The following TRANK1 variants were observed in gnomAD, a reference collection of about 807,000 sequenced individuals.
TRANK1 encodes the protein tetratricopeptide repeat and ankyrin repeat containing 1.
In TRANK1, 198 loss-of-function variants were observed where a neutral mutation model predicts 266.0. The ratio of observed to expected loss-of-function variants is 0.74; its 90% CI spans 0.66 to 0.84. The LOEUF (loss-of-function observed/expected upper bound fraction) is 0.84, where lower values mean the gene tolerates loss of function less well. Among genes scored for constraint, TRANK1 ranks in the 40% least tolerant of loss-of-function variants. The probability of loss-of-function intolerance (pLI) is 0.00; values close to 1 mark genes in which losing one functional copy is unlikely to be tolerated. For missense variants in TRANK1, 3,326 were observed against 3,634.6 expected, an observed-to-expected ratio of 0.92 and a Z score of 2.18; for synonymous variants, 1,396 against 1,384.1, an observed-to-expected ratio of 1.01 and a Z score of -0.19.
chr3:36,916,668 A>T (rs547221099), intron 1 of TRANK1, among the ~76,000 whole-genome samples: 1 of 152,232 alleles, frequency 6.6e-6, no homozygotes, highest in Non-Finnish European at 1.5e-5. Context: ...AGCAGCCAAT[A>T]AGAGTTCCTG....
intron 8 of TRANK1, among the ~76,000 whole-genome samples, chr3:36,879,472 CTTGA>C (rs1404804167): frequency 1.3e-5 from 2 of 149,180 alleles, no homozygotes; most frequent in African/African-American, 4.9e-5. Flanking sequence ...ACATATCAAA[CTTGA>C]TTTTCATTAG....
chr3:36,874,394 A>C, intron 8 of TRANK1, 98 bp from the exon 9 acceptor site: 1 of 1,338,030 alleles, frequency 7.5e-7, no homozygotes, highest in Non-Finnish European at 1.0e-6. Context: ...CAAGCAGCCC[A>C]GGGCAAGAGG....
At chr3:36,883,821 C>A (rs539447037) in intron 8 of TRANK1, among the ~76,000 whole-genome samples, 1 of 152,158 alleles carries the variant, frequency 6.6e-6, no homozygotes, top group South Asian at 2.1e-4. Context: ...GGATGTGGGG[C>A]AAATCCTAAA....
chr3:36,902,534 T>C (rs1003969493), intron 3 of TRANK1, among the ~76,000 whole-genome samples: 3 of 152,244 alleles, frequency 2.0e-5, no homozygotes, highest in East Asian at 3.8e-4. Flanking sequence ...AAAGGTGCCA[T>C]GAAGAGTGGC....
At chr3:36,855,087 T>G in intron 13 of TRANK1, 86 bp downstream of exon 13, 5 of 1,233,184 alleles carry the variant, frequency 4.1e-6, no homozygotes, top group Non-Finnish European at 3.4e-6. Context: ...TGTAAAAACC[T>G]AACAAGAGCT....
At chr3:36,870,392 G>A (rs1006426539) in intron 9 of TRANK1, among the ~76,000 whole-genome samples, 22 of 149,946 alleles carry the variant, frequency 1.5e-4, no homozygotes, top group African/African-American at 5.2e-4. Flanking sequence ...CGGCAACAAG[G>A]GCAAAACTCT....
chr3:36,910,466 A>G (rs1481401841), intron 1 of TRANK1, among the ~76,000 whole-genome samples: 1 of 152,204 alleles, frequency 6.6e-6, no homozygotes, highest in Non-Finnish European at 1.5e-5. Flanking sequence ...GTGGCTGGGC[A>G]CAGTGGCTCA....
chr3:36,852,781 A>AC lies in TRANK1; in HGVS notation c.4550-437_4550-436insG, dbSNP rs1430259718. On this transcript the variant is annotated intron_variant, in intron 13 of 23. Transcript: ENST00000645898. ...AGCGAGACTCCATCTCAATTAAAAA[A>AC]AAAAAAAAAAAAAAAAAACAATGAG... Among the ~76,000 whole-genome samples the AC allele has an allele frequency of 6.2e-5, 4 of 64,770 alleles. No homozygotes were observed. The East Asian group carries it at 8.8e-4, about 14-fold the overall frequency. 42.5% of individuals were successfully genotyped at this position (64,770 alleles called of 152,430 possible).
chr3:36,936,961 G>C (rs114599124), intron 1 of TRANK1, among the ~76,000 whole-genome samples: 5 of 152,268 alleles, frequency 3.3e-5, no homozygotes, highest in African/African-American at 1.2e-4. Context: ...AATTAGCCAG[G>C]CATGGGCACA....
intron 12 of TRANK1, among the ~76,000 whole-genome samples, 167 bp downstream of exon 12, chr3:36,858,551 C>T (rs2079090585): frequency 6.6e-6 from 1 of 152,220 alleles, no homozygotes; most frequent in Admixed American, 6.5e-5. Context: ...CACTTCTTCC[C>T]ATTATGCTAC....
At chr3:36,934,172 C>G (rs933424927) in intron 1 of TRANK1, among the ~76,000 whole-genome samples, 4 of 152,234 alleles carry the variant, frequency 2.6e-5, no homozygotes, top group African/African-American at 9.6e-5. Flanking sequence ...AGGCCCTTTC[C>G]TGGGAGTTTC....
intron 5 of TRANK1, among the ~76,000 whole-genome samples, chr3:36,893,726 T>C (rs1302110516): frequency 2.6e-5 from 4 of 152,184 alleles, no homozygotes; most frequent in Admixed American, 1.3e-4. Flanking sequence ...TCAGGTATGC[T>C]AACAGATCTA....
At chr3:36,861,744 C>T (rs1229047524) in intron 10 of TRANK1, among the ~76,000 whole-genome samples, 1 of 134,194 alleles carries the variant, frequency 7.5e-6, no homozygotes, top group Admixed American at 8.5e-5. Context: ...CTCACTCTGT[C>T]GCCCAGGCTG....
rs747659643 is a variant in TRANK1 at position 36,831,509 on chromosome 3, C to G, written c.8074G>C (p.Asp2692His). The change falls in exon 22 of 24, where the codon GAT becomes CAT. Residue 2692 changes from aspartate to histidine, a missense_variant. Physicochemically the swap from Asp to His is moderately conservative, Grantham distance 81. Coordinates refer to ENST00000645898, the MANE Select transcript of TRANK1 (RefSeq NM_001329998.2). The surrounding 1 kb of genome is among the most constrained non-coding windows in gnomAD (Gnocchi z 5.0). Reference protein sequence around the residue: ...FAEPECEFGQDEMDELALEDR... With the variant: ...FAEPECEFGQHEMDELALEDR... ...TCTAATGCCAGTTCATCCATCTCAT[C>G]CTGGCCAAACTCACACTCAGGTTCA... 6 of 1,613,342 alleles carry G rather than the reference C, an allele frequency of 3.7e-6. No homozygotes were observed. The highest frequency in any genetic ancestry group is 5.1e-6 in the Non-Finnish European group (6 of 1,179,616).
chr3:36,879,430 CCAA>C (rs1008352939), intron 8 of TRANK1, among the ~76,000 whole-genome samples: 11 of 150,476 alleles, frequency 7.3e-5, no homozygotes, highest in Non-Finnish European at 1.3e-4. Context: ...AACAACAAAC[CCAA>C]CAACTCTCCC....
chr3:36,879,367 A>G (rs1461030282), intron 8 of TRANK1, among the ~76,000 whole-genome samples: 2 of 151,490 alleles, frequency 1.3e-5, no homozygotes, highest in Non-Finnish European at 2.9e-5. Flanking sequence ...GGAAGCAACT[A>G]CAGAGAGCTT....
intron 13 of TRANK1, among the ~76,000 whole-genome samples, chr3:36,853,794 T>C (rs890584118): frequency 6.6e-6 from 1 of 152,188 alleles, no homozygotes; most frequent in Non-Finnish European, 1.5e-5. Flanking sequence ...ATTACACTCA[T>C]ATGAAATGTC....
At chr3:36,944,680 C>T in intron 1 of TRANK1, 107 bp downstream of exon 1, 1 of 1,348,410 alleles carries the variant, frequency 7.4e-7, no homozygotes, top group Non-Finnish European at 9.9e-7. Context: ...GCCCGTTCGG[C>T]CGCTACCTCA....
chr3:36,835,784 G>A (rs1004459276), intron 20 of TRANK1, among the ~76,000 whole-genome samples: 3 of 152,122 alleles, frequency 2.0e-5, no homozygotes, highest in African/African-American at 4.8e-5. Flanking sequence ...TAAAATGTGG[G>A]TAATGCAACC....
Sources: gnomAD v4.1 joint callset for allele counts (sites outside exome capture counted in the v4.1 genomes callset) on GRCh38, gnomAD v4.1.1 for gene constraint, Gnocchi (gnomAD v3.1) non-coding constraint, MANE v1.5 for transcripts, NCBI Gene and HGNC (gene_info 2026-07-23, HGNC 2026-07-21) for gene names.